Variants in SAMD4A observed in about 807,000 individuals in gnomAD.
The protein encoded by SAMD4A is sterile alpha motif domain containing 4A.
A neutral mutation model predicts 81.3 loss-of-function variants in SAMD4A; 33 were observed. The observed-to-expected ratio is 0.41, with a 90% CI of 0.31 to 0.54. The LOEUF is 0.54. Among genes scored for constraint, SAMD4A ranks in the 20% least tolerant of loss-of-function variants. The pLI, the probability that SAMD4A is intolerant of heterozygous loss-of-function variation, is 0.37. For missense variants in SAMD4A, 854 were observed against 951.1 expected (o/e 0.90, Z 1.34); for synonymous variants, 389 against 382.1 (o/e 1.02, Z -0.21).
At chr14:54,718,760 T>C (rs1162749774) in intron 3 of SAMD4A, among the ~76,000 whole-genome samples, 4 of 151,852 alleles carry the variant, frequency 2.6e-5, no homozygotes, top group African/African-American at 7.3e-5. Context: ...TCCCAGCACT[T>C]TGGGAGGCCA....
At chr14:54,693,244 T>C (rs1261932374) in intron 2 of SAMD4A, 1 of 152,206 alleles carries the variant, frequency 6.6e-6, no homozygotes, top group Non-Finnish European at 1.5e-5. Context: ...CAAAGTTGAA[T>C]GAGAAAGGGG....
At chr14:54,716,782 T>C (rs2037130004) in intron 3 of SAMD4A, among the ~76,000 whole-genome samples, 1 of 152,222 alleles carries the variant, frequency 6.6e-6, no homozygotes, top group Non-Finnish European at 1.5e-5. Flanking sequence ...TAAGTATTCA[T>C]GTTTTTTTCT....
At chr14:54,766,219 A>G (rs1209903504) in intron 8 of SAMD4A, among the ~76,000 whole-genome samples, 4 of 152,112 alleles carry the variant, frequency 2.6e-5, no homozygotes, top group Admixed American at 6.5e-5. Flanking sequence ...TCTATTTCGA[A>G]TCCTGACACT....
intron 11 of SAMD4A, among the ~76,000 whole-genome samples, chr14:54,777,995 A>AATTATGTAT (rs1224460266): frequency 1.3e-5 from 2 of 152,166 alleles, no homozygotes; most frequent in African/African-American, 4.8e-5. Flanking sequence ...TTTCACGCAG[A>AATTATGTAT]ATTATGTATA....
rs1219843860 is a variant in SAMD4A at position 54,753,731 on chromosome 14, A to G, written c.1176+2194A>G. ...CGTTTCTTTTTAAACCTCTGGCCAG[A>G]TAGACAGAGGCTTCTCACGTGCACA... On this transcript the variant is annotated intron_variant, in intron 6 of 12. Coordinates refer to ENST00000554335, the MANE Select transcript of SAMD4A (RefSeq NM_015589.6). 2.6e-5 allele frequency among the ~76,000 whole-genome samples: 4 copies of G among 151,894 alleles called. No individual in the cohort carries two copies. The South Asian group carries it at 8.3e-4, about 32-fold the overall frequency.
chr14:54,654,196 G>A (rs976451588), intron 2 of SAMD4A, among the ~76,000 whole-genome samples: 1 of 152,130 alleles, frequency 6.6e-6, no homozygotes, highest in African/African-American at 2.4e-5. Context: ...CTGTCTAACT[G>A]GAGTCTCCCT....
chr14:54,766,410 C>T (rs2038544576), intron 8 of SAMD4A, among the ~76,000 whole-genome samples: 1 of 152,176 alleles, frequency 6.6e-6, no homozygotes, highest in African/African-American at 2.4e-5. Context: ...CAGGCCATCA[C>T]AGCCATGATG....
intron 2 of SAMD4A, among the ~76,000 whole-genome samples, chr14:54,667,597 A>G (rs890724278): frequency 1.3e-5 from 2 of 152,146 alleles, no homozygotes; most frequent in Non-Finnish European, 2.9e-5. Flanking sequence ...TTCACCTGGG[A>G]TCACCAGCCT....
intron 2 of SAMD4A, among the ~76,000 whole-genome samples, chr14:54,651,194 T>C (rs2035396326): frequency 1.3e-5 from 2 of 152,204 alleles, no homozygotes; most frequent in African/African-American, 4.8e-5. Flanking sequence ...TCAAGACCTA[T>C]TGTAGTGACT....
intron 2 of SAMD4A, among the ~76,000 whole-genome samples, chr14:54,664,552 C>G (rs1167528193): frequency 6.6e-6 from 1 of 152,058 alleles, no homozygotes; most frequent in East Asian, 1.9e-4. Flanking sequence ...CACTTTCTCA[C>G]AAATGCACTT....
intron 8 of SAMD4A, among the ~76,000 whole-genome samples, chr14:54,767,205 C>T (rs2038571299): frequency 1.3e-5 from 2 of 152,160 alleles, no homozygotes; most frequent in Admixed American, 6.5e-5. Flanking sequence ...TAGAACACGC[C>T]CTGCCTGTGA....
chr14:54,675,674 G>A (rs2035979266), intron 2 of SAMD4A, among the ~76,000 whole-genome samples: 1 of 152,176 alleles, frequency 6.6e-6, no homozygotes, highest in South Asian at 2.1e-4. Context: ...GTTTTATCGA[G>A]TTTCACCAGA....
At chr14:54,743,344 G>T (rs1594886631) in intron 4 of SAMD4A, among the ~76,000 whole-genome samples, 1 of 152,226 alleles carries the variant, frequency 6.6e-6, no homozygotes, top group East Asian at 1.9e-4. Context: ...GACCCACAGG[G>T]ATGAGTGCCC....
At chr14:54,749,580 T>C (rs2038050171) in intron 5 of SAMD4A, among the ~76,000 whole-genome samples, 1 of 152,220 alleles carries the variant, frequency 6.6e-6, no homozygotes, top group African/African-American at 2.4e-5. Context: ...CCCTTCTGCA[T>C]GCCATAAAAA....
intron 2 of SAMD4A, among the ~76,000 whole-genome samples, chr14:54,589,478 C>T (rs1467345119): frequency 5.9e-5 from 9 of 152,238 alleles, no homozygotes; most frequent in African/African-American, 2.2e-4. Context: ...TAGCAAGACT[C>T]AACTATGAGC....
In SAMD4A at chr14:54,623,506, A is replaced by AAAT. The variant is rs2034669826; in HGVS notation, c.196+55396_196+55397insTAA. Reference sequence around the variant, plus strand: ...AGCAAAAAAAAAAAAAAAAAAAAAAAAAAAAAAGCAGGGGGAGGAAAGGTA... The same window carrying AAAT: ...AGCAAAAAAAAAAAAAAAAAAAAAAAAATAAAAAAAGCAGGGGGAGGAAAGGTA... On this transcript the variant is annotated intron_variant, in intron 2 of 12. Transcript: ENST00000554335. Among the ~76,000 whole-genome samples the AAAT allele has an allele frequency of 2.7e-5, 4 of 148,728 alleles. No homozygotes were observed. The South Asian group carries it at 8.4e-4, about 31-fold the overall frequency.
At chr14:54,688,948 T>TTTTTTTTTTTTTG (rs2036355905) in intron 2 of SAMD4A, among the ~76,000 whole-genome samples, 2 of 147,946 alleles carry the variant, frequency 1.4e-5, no homozygotes, top group African/African-American at 5.1e-5. Flanking sequence ...TTTTTTTTTT[T>TTTTTTTTTTTTTG]GAGGCGGAGT....
intron 2 of SAMD4A, among the ~76,000 whole-genome samples, chr14:54,650,148 G>T (rs1372359372): frequency 1.3e-5 from 2 of 152,182 alleles, no homozygotes; most frequent in Non-Finnish European, 2.9e-5. Context: ...GAAAGTGAAT[G>T]AAAAGAAATT....
At chr14:54,748,527 T>C (rs561096382) in intron 4 of SAMD4A, among the ~76,000 whole-genome samples, 15 of 152,190 alleles carry the variant, frequency 9.9e-5, no homozygotes, top group Non-Finnish European at 1.8e-4. Flanking sequence ...ACTCACAAAT[T>C]GGGATATAAT....
Sources: allele counts gnomAD v4.1 joint callset (sites outside exome capture counted in the v4.1 genomes callset), GRCh38; gene constraint gnomAD v4.1.1; transcripts MANE v1.5; gene names NCBI Gene and HGNC (gene_info 2026-07-23, HGNC 2026-07-21).